SEMA4B: variants seen among roughly 807,000 people sequenced by gnomAD.
SEMA4B encodes the protein semaphorin-4B.
A neutral mutation model predicts 88.1 loss-of-function variants in SEMA4B; 55 were observed. The ratio of observed to expected loss-of-function variants is 0.62; its 90% confidence interval spans 0.50 to 0.78. The LOEUF (loss-of-function observed/expected upper bound fraction) is 0.78. Ranked by LOEUF, SEMA4B falls within the 30% of genes least tolerant of loss-of-function variation. The pLI is 0.00. For synonymous variants in SEMA4B, 525 were observed against 473.6 expected (o/e 1.11, Z -1.41); for missense variants, 1,062 against 1,111.9 (o/e 0.96, Z 0.64).
At chr15:90,227,169 T>TC (rs1962213753) in intron 12 of SEMA4B, 1 of 203,224 alleles carries the variant, frequency 4.9e-6, no homozygotes, top group South Asian at 8.1e-5. Flanking sequence ...AACCTCAGCC[T>TC]CCTGAGCAGG....
intron 1 of SEMA4B, chr15:90,217,197 G>A (rs1485483795): frequency 2.5e-6 from 1 of 399,044 alleles, no homozygotes; most frequent in Admixed American, 4.3e-5. Flanking sequence ...TTTTATTAAT[G>A]TGAAGGGTGC....
intron 4 of SEMA4B, 153 bp downstream of exon 4, chr15:90,220,044 A>G: frequency 1.7e-6 from 1 of 581,116 alleles, no homozygotes; most frequent in Non-Finnish European, 3.0e-6. Flanking sequence ...CTGAGGTCCC[A>G]CACCCTGGCA....
At chr15:90,211,175 G>C (rs950619610) in intron 1 of SEMA4B, among the ~76,000 whole-genome samples, 1 of 152,238 alleles carries the variant, frequency 6.6e-6, no homozygotes, top group African/African-American at 2.4e-5. Context: ...GTGTCCCTGT[G>C]TAGACCTGTG....
Position 90,217,786 on chromosome 15 carries a change from CA to C in SEMA4B, c.342del (p.Glu115ArgfsTer214), listed in dbSNP as rs1356311122. ...EYQELLWGAD[A>X]EKKQQCSFKG... ...CCCCAGCTGCTTTGGGGTGCAGACGCAGAGAAGAAACAGCAGTGCAGCTTCA... is the reference window on the plus strand; with the variant it reads ...CCCCAGCTGCTTTGGGGTGCAGACGCGAGAAGAAACAGCAGTGCAGCTTCA... On this transcript the variant is annotated frameshift_variant, in exon 3 of 14. Coordinates refer to ENST00000411539, the MANE Select transcript of SEMA4B (RefSeq NM_198925.4). LOFTEE classifies it high-confidence loss of function. 6.2e-7 allele frequency: 1 copy of C among 1,613,416 alleles called. No homozygotes were observed. Among genetic ancestry groups the C allele is most frequent in the Non-Finnish European group, 8.5e-7 (1 of 1,179,696 alleles).
chr15:90,208,183 G>A (rs1177648821), intron 1 of SEMA4B, among the ~76,000 whole-genome samples: 2 of 151,624 alleles, frequency 1.3e-5, no homozygotes, highest in Admixed American at 6.6e-5. Context: ...GAACCTGGGA[G>A]ACAGGGGTTG....
At chr15:90,199,166 C>G (rs1303627005), upstream of SEMA4B, among the ~76,000 whole-genome samples, 1 of 152,044 alleles carries the variant, frequency 6.6e-6, no homozygotes, top group Admixed American at 6.6e-5. Context: ...GAGCCACCAC[C>G]CCTGTCCTGG....
upstream of SEMA4B, among the ~76,000 whole-genome samples, chr15:90,196,986 T>C (rs1017425923): frequency 1.3e-5 from 2 of 152,194 alleles, no homozygotes; most frequent in Non-Finnish European, 2.9e-5. Context: ...GCCTCATTAG[T>C]TTCTGATCAT....
At chr15:90,215,069 C>T (rs577241423) in intron 1 of SEMA4B, 7 of 1,074,244 alleles carry the variant, frequency 6.5e-6, no homozygotes, top group African/African-American at 3.3e-5. Context: ...CCCACTGGTC[C>T]GCTACAACGT....
chr15:90,222,252 TTC>T (rs1188524726), intron 7 of SEMA4B, among the ~76,000 whole-genome samples: 3,102 of 62,772 alleles, frequency 0.049, 50 homozygotes, highest in Non-Finnish European at 0.067. Flanking sequence ...TTTTTTTCTT[TTC>T]TTTTTTTTTT....
rs545080751 is a variant in SEMA4B at position 90,228,626 on chromosome 15, C to T, written c.2497C>T (p.Arg833Cys). Reference sequence around the variant, plus strand: ...CCGGGTCCGCCTTGGCTCGGAGATCCGTGACTCTGTGGTGTGAGAGCTGAC... The same window carrying T: ...CCGGGTCCGCCTTGGCTCGGAGATCTGTGACTCTGTGGTGTGAGAGCTGAC... ...RPRVRLGSEI[R>C]DSVV The change falls in exon 14 of 14, where the codon CGT (arginine) becomes TGT (cysteine). Residue 833 changes from arginine (R) to cysteine (C), a missense_variant. By Grantham distance (180) the Arg-to-Cys change is radical. Transcript: ENST00000411539. 10 of 1,613,332 alleles carry T rather than the reference C, an allele frequency of 6.2e-6. No individual in the cohort carries two copies. Among genetic ancestry groups the T allele is most frequent in the African/African-American group, 4.0e-5 (3 of 75,068 alleles).
At chr15:90,192,716 G>T (rs1218472536) in intron 1 of SEMA4B, among the ~76,000 whole-genome samples, 2 of 149,522 alleles carry the variant, frequency 1.3e-5, no homozygotes, top group East Asian at 4.0e-4. Context: ...TCAGCCTCCC[G>T]AGTAGCAGGG....
rs1306805123 is a variant in SEMA4B at position 90,221,352 on chromosome 15, A to T, written c.596-15A>T. 4 of 1,389,052 alleles carry T rather than the reference A, an allele frequency of 2.9e-6. No individual in the cohort carries two copies. Among genetic ancestry groups the T allele is most frequent in the Non-Finnish European group, 3.8e-6 (4 of 1,061,894 alleles). 86.0% of individuals were successfully genotyped at this position (1,389,052 alleles called of 1,614,324 possible). A position where few individuals can be genotyped will look rare whatever the true frequency, so the allele number is the denominator to read the frequency against. On this transcript the variant is annotated splice_polypyrimidine_tract_variant and intron_variant, in intron 5 of 13. Transcript: ENST00000411539. Reference sequence around the variant, plus strand: ...TGCTGAGGAGCCCATTCCCATGGGAATGTTTTCTTGGCAGATGGCGAGCTC... The same window carrying T: ...TGCTGAGGAGCCCATTCCCATGGGATTGTTTTCTTGGCAGATGGCGAGCTC...
Position 90,228,017 on chromosome 15 carries a change from A to C in SEMA4B, c.1888A>C (p.Asn630His). The C allele has an allele frequency of 6.2e-7, 1 of 1,613,866 alleles. No homozygotes were observed. The change falls in exon 14 of 14, where the codon AAT becomes CAT. Residue 630 changes from asparagine to histidine, a missense_variant. Asn to His is a moderately conservative substitution (Grantham distance 68, BLOSUM62 1). Transcript: ENST00000411539. Reference sequence around the variant, plus strand: ...CTGGCTACGCAACGGGGCCCCCGTCAATGCCTCGGCCTCCTGCCACGTGCT... The same window carrying C: ...CTGGCTACGCAACGGGGCCCCCGTCCATGCCTCGGCCTCCTGCCACGTGCT... The part of the protein sequence containing the change: ...RLWLRNGAPV[N>H]ASASCHVLPT...
At chr15:90,220,462 G>T (rs1218886998) in intron 4 of SEMA4B, among the ~76,000 whole-genome samples, 1 of 149,760 alleles carries the variant, frequency 6.7e-6, no homozygotes, top group Non-Finnish European at 1.5e-5. Context: ...CTGCCTCCTG[G>T]GTTCACGCCA....
chr15:90,210,570 A>T (rs1460086322), intron 1 of SEMA4B, among the ~76,000 whole-genome samples: 1 of 152,210 alleles, frequency 6.6e-6, no homozygotes, highest in East Asian at 1.9e-4. Context: ...CACCTGAAAC[A>T]GAGGTAATAA....
intron 1 of SEMA4B, among the ~76,000 whole-genome samples, chr15:90,191,509 A>C (rs1960343067): frequency 6.6e-6 from 1 of 152,212 alleles, no homozygotes; most frequent in Non-Finnish European, 1.5e-5. Flanking sequence ...TACTCTCTCC[A>C]GCCACCCATG....
At chr15:90,188,498 CAT>C (rs1491115170) in intron 1 of SEMA4B, among the ~76,000 whole-genome samples, 6 of 151,320 alleles carry the variant, frequency 4.0e-5, no homozygotes, top group African/African-American at 9.7e-5. Flanking sequence ...CATGGTGGCG[CAT>C]GCCTGTAATC....
intron 1 of SEMA4B, among the ~76,000 whole-genome samples, chr15:90,210,866 C>T (rs575337473): frequency 1.3e-5 from 2 of 152,028 alleles, no homozygotes; most frequent in Non-Finnish European, 2.9e-5. Context: ...AGGTGAGAGG[C>T]AGAGATGGCA....
intron 1 of SEMA4B, among the ~76,000 whole-genome samples, chr15:90,201,947 T>C (rs554429361): frequency 6.6e-6 from 1 of 152,210 alleles, no homozygotes; most frequent in Non-Finnish European, 1.5e-5. Context: ...CAGTTTTCTT[T>C]CTGCGTAGGG....
Sources: allele counts gnomAD v4.1 joint callset (sites outside exome capture counted in the v4.1 genomes callset), GRCh38; gene constraint gnomAD v4.1.1; transcripts MANE v1.5; gene names NCBI Gene and HGNC (gene_info 2026-07-23, HGNC 2026-07-21).